Variants in DIP2C observed in about 807,000 individuals in gnomAD.
DIP2C encodes DIP2 acetate--CoA ligase C (putative).
In DIP2C, 33 loss-of-function variants were observed where a neutral mutation model predicts 192.4. That is an observed-to-expected ratio of 0.17 (90% CI 0.13 to 0.23). The LOEUF (loss-of-function observed/expected upper bound fraction) is 0.23. DIP2C is among the 10% of genes least tolerant of loss of function. The probability of loss-of-function intolerance (pLI) is 1.00; values close to 1 mark genes in which losing one functional copy is unlikely to be tolerated. For missense variants in DIP2C, 1,537 were observed against 2,110.1 expected, an observed-to-expected ratio of 0.73 and a Z score of 5.32; for synonymous variants, 979 against 864.1, an observed-to-expected ratio of 1.13 and a Z score of -2.33.
chr10:509,701 C>T (rs1416163771), intron 1 of DIP2C, among the ~76,000 whole-genome samples: 1 of 152,188 alleles, frequency 6.6e-6, no homozygotes, highest in Non-Finnish European at 1.5e-5. Flanking sequence ...CCATGAGACA[C>T]AGGACACCTC....
intron 1 of DIP2C, among the ~76,000 whole-genome samples, chr10:511,723 C>G (rs1229566063): frequency 6.6e-6 from 1 of 152,172 alleles, no homozygotes; most frequent in Non-Finnish European, 1.5e-5. Context: ...CGGCTCCGAG[C>G]TCTCTTCACA....
intron 4 of DIP2C, among the ~76,000 whole-genome samples, chr10:435,979 A>G (rs1967151914): frequency 6.6e-6 from 1 of 152,022 alleles, no homozygotes; most frequent in Non-Finnish European, 1.5e-5. Context: ...ATAAATATAT[A>G]AACAGGTACA....
intron 17 of DIP2C, among the ~76,000 whole-genome samples, chr10:376,733 T>C (rs990591802): frequency 2.6e-5 from 4 of 152,078 alleles, no homozygotes; most frequent in African/African-American, 9.7e-5. Context: ...TGGGCCACTC[T>C]TTTTCACAGC....
rs116728392 is a variant in DIP2C at position 663,375 on chromosome 10, G to A, written c.85+26119C>T. On this transcript the variant is annotated intron_variant, in intron 1 of 36. Transcript: ENST00000280886. ...CTGTCCATCCCAGGAGAGAACAGAC[G>A]GACATGGCTGGAAAGCACTTCCCTG... 686 of 154,768 alleles carry A rather than the reference G, an allele frequency of 4.4e-3. 5 individuals are homozygous for A. Among genetic ancestry groups the A allele is most frequent in the African/African-American group, 0.015 (635 of 41,658 alleles). The allele number at this position is 154,768 out of a possible 1,614,324, so 9.6% of individuals were successfully genotyped here.
intron 4 of DIP2C, among the ~76,000 whole-genome samples, chr10:436,828 C>T (rs1247618277): frequency 9.2e-4 from 127 of 138,266 alleles, no homozygotes; most frequent in South Asian, 1.2e-3. Context: ...TGATATGCTC[C>T]ACCCACACCT....
At position 341,095 on chromosome 10, in the gene DIP2C, A is replaced by AGTGGGGGT. The variant is rs1199113712; in HGVS notation, c.3584+96_3584+103dup. The AGTGGGGGT allele has an allele frequency of 4.7e-6, 7 of 1,501,606 alleles. No homozygotes were observed. The East Asian group carries it at 9.1e-5, about 19-fold the overall frequency. 93.0% of individuals were successfully genotyped at this position (1,501,606 alleles called of 1,614,324 possible). A position where few individuals can be genotyped will look rare whatever the true frequency, so the allele number is the denominator to read the frequency against. Reference sequence around the variant, plus strand: ...TAAGCCCCAGGCCTCCTCTGGCAGGAGTGGGGGTGTGGGGGCAGTGCTTAG... The same window carrying AGTGGGGGT: ...TAAGCCCCAGGCCTCCTCTGGCAGGAGTGGGGGTGTGGGGGTGTGGGGGCAGTGCTTAG... On this transcript the variant is annotated intron_variant, in intron 29 of 36. Transcript: ENST00000280886.
At chr10:475,700 C>A (rs965862500) in intron 2 of DIP2C, among the ~76,000 whole-genome samples, 1 of 152,162 alleles carries the variant, frequency 6.6e-6, no homozygotes, top group Non-Finnish European at 1.5e-5. Flanking sequence ...AATAAGACGG[C>A]AAAAGAAACG....
intron 4 of DIP2C, among the ~76,000 whole-genome samples, chr10:430,009 ATG>A (rs1176730266): frequency 1.3e-5 from 2 of 152,188 alleles, no homozygotes; most frequent in Admixed American, 6.5e-5. Flanking sequence ...CCAGCAATGA[ATG>A]AGAGAGAATT....
intron 15 of DIP2C, 73 bp downstream of exon 15, chr10:384,473 G>C: frequency 6.8e-7 from 1 of 1,473,954 alleles, no homozygotes; most frequent in African/African-American, 1.4e-5. Context: ...CCTGACCTCA[G>C]GTGATCCACC....
intron 17 of DIP2C, chr10:370,114 G>T: frequency 1.1e-6 from 1 of 913,596 alleles, no homozygotes; most frequent in Non-Finnish European, 1.3e-6. Flanking sequence ...CAATTCAGAT[G>T]CAGACTGCCT....
chr10:416,845 G>A (rs1965671330), intron 6 of DIP2C, among the ~76,000 whole-genome samples: 1 of 152,152 alleles, frequency 6.6e-6, no homozygotes, highest in Non-Finnish European at 1.5e-5. Context: ...GACGGTGCAG[G>A]GGTCTCTGTA....
intron 31 of DIP2C, among the ~76,000 whole-genome samples, chr10:316,014 TCA>T (rs1956760483): frequency 6.6e-6 from 1 of 152,156 alleles, no homozygotes; most frequent in Admixed American, 6.5e-5. Flanking sequence ...TTGTTTTTTC[TCA>T]TAGTTTTTAT....
chr10:513,803 G>A (rs1424596715), intron 1 of DIP2C, among the ~76,000 whole-genome samples: 1 of 152,090 alleles, frequency 6.6e-6, no homozygotes, highest in Non-Finnish European at 1.5e-5. Flanking sequence ...GTCTCATTAA[G>A]TAAAAACCTA....
intron 31 of DIP2C, among the ~76,000 whole-genome samples, chr10:315,228 AAC>A (rs1432575239): frequency 2.0e-5 from 3 of 152,292 alleles, no homozygotes; most frequent in African/African-American, 7.2e-5. Context: ...CATATTTTTA[AAC>A]AGTTAATACT....
chr10:286,391 G>T, intron 33 of DIP2C, 44 bp from the exon 34 acceptor site: 1 of 1,559,804 alleles, frequency 6.4e-7, no homozygotes, highest in East Asian at 2.2e-5. Context: ...GAGGAATACA[G>T]GGAGAGACTA....
intron 18 of DIP2C, among the ~76,000 whole-genome samples, chr10:367,831 G>A (rs1272304881): frequency 3.3e-5 from 5 of 152,254 alleles, no homozygotes; most frequent in Non-Finnish European, 7.3e-5. Context: ...CCATCATGAC[G>A]TGAGAAAACC....
chr10:650,230 T>C, intron 1 of DIP2C: 1 of 717,240 alleles, frequency 1.4e-6, no homozygotes, highest in South Asian at 1.5e-5. Flanking sequence ...GGCTGTTCCC[T>C]GTTCCCTTCC....
chr10:284,968 G>T (rs1955020725), intron 34 of DIP2C, among the ~76,000 whole-genome samples: 1 of 152,124 alleles, frequency 6.6e-6, no homozygotes, highest in Admixed American at 6.5e-5. Context: ...TCTGACCCTG[G>T]CCCAGCCTAC....
At chr10:422,717 G>T in intron 5 of DIP2C, 107 bp downstream of exon 5, 1 of 1,362,770 alleles carries the variant, frequency 7.3e-7, no homozygotes, top group Non-Finnish European at 1.0e-6. Context: ...GAGGAGCTCT[G>T]TGCTCTTTCC....
Sources: gnomAD v4.1 joint callset for allele counts (sites outside exome capture counted in the v4.1 genomes callset) on GRCh38, gnomAD v4.1.1 for gene constraint, MANE v1.5 for transcripts, NCBI Gene and HGNC (gene_info 2026-07-23, HGNC 2026-07-21) for gene names.